Variants in BBS9 observed in about 807,000 individuals in gnomAD.
BBS9 encodes Bardet-Biedl syndrome 9.
A neutral mutation model predicts 117.7 loss-of-function variants in BBS9; 89 were observed. The ratio of observed to expected loss-of-function variants is 0.76; its 90% CI spans 0.64 to 0.90. The LOEUF is 0.90. Ranked by LOEUF, BBS9 falls within the 40% of genes least tolerant of loss-of-function variation. BBS9 has a pLI of 0.00. For missense variants in BBS9, 982 were observed against 1,042.2 expected, an observed-to-expected ratio of 0.94 and a Z score of 0.80; for synonymous variants, 379 against 370.9, an observed-to-expected ratio of 1.02 and a Z score of -0.25.
chr7:33,458,868 G>A (rs115643150), intron 19 of BBS9, among the ~76,000 whole-genome samples: 4,944 of 152,226 alleles, frequency 0.032, 148 homozygotes, highest in African/African-American at 0.078. Context: ...TCCAGAAACT[G>A]TAGCACCCTC....
At chr7:33,629,281 A>G (rs1373019722) in intron 21 of BBS9, among the ~76,000 whole-genome samples, 2 of 152,236 alleles carry the variant, frequency 1.3e-5, no homozygotes, top group Non-Finnish European at 2.9e-5. Flanking sequence ...TGTCATTTAC[A>G]TAATTGCTCT....
chr7:33,595,289 T>A (rs1216108558), intron 21 of BBS9, among the ~76,000 whole-genome samples: 1 of 152,184 alleles, frequency 6.6e-6, no homozygotes, highest in African/African-American at 2.4e-5. Context: ...TTTTGCAATC[T>A]ACCCATCTGA....
chr7:33,231,825 C>A (rs60192620), intron 5 of BBS9, among the ~76,000 whole-genome samples: 2 of 151,786 alleles, frequency 1.3e-5, no homozygotes, highest in East Asian at 3.9e-4. Context: ...CTACCCTTGA[C>A]GCTGTTGACA....
intron 5 of BBS9, among the ~76,000 whole-genome samples, chr7:33,221,654 A>T (rs1790260486): frequency 2.0e-5 from 3 of 152,180 alleles, no homozygotes; most frequent in Admixed American, 6.5e-5. Flanking sequence ...CAATTCATGT[A>T]ACTAAAGATA....
chr7:33,221,951 A>G (rs530852301), intron 5 of BBS9, among the ~76,000 whole-genome samples: 23 of 152,344 alleles, frequency 1.5e-4, no homozygotes, highest in Middle Eastern at 3.4e-3. Flanking sequence ...TTTTGGCTAA[A>G]GACCAAATAC....
intron 19 of BBS9, among the ~76,000 whole-genome samples, chr7:33,425,411 C>T (rs560454264): frequency 2.4e-4 from 37 of 152,232 alleles, no homozygotes; most frequent in African/African-American, 8.2e-4. Context: ...CATAGGTAAA[C>T]GTGTGCCACG....
intron 5 of BBS9, among the ~76,000 whole-genome samples, chr7:33,253,591 G>A (rs1396739980): frequency 6.6e-6 from 1 of 152,170 alleles, no homozygotes; most frequent in African/African-American, 2.4e-5. Context: ...CAGCCTGGGC[G>A]AGGGAGCGAG....
intron 19 of BBS9, among the ~76,000 whole-genome samples, chr7:33,418,505 A>G (rs1226447969): frequency 1.3e-5 from 2 of 152,136 alleles, no homozygotes; most frequent in East Asian, 3.9e-4. Flanking sequence ...GGGTCTTTTC[A>G]CAGTGGAAAC....
chr7:33,304,351 G>C (rs1403687337), intron 9 of BBS9, among the ~76,000 whole-genome samples: 2 of 142,424 alleles, frequency 1.4e-5, no homozygotes, highest in African/African-American at 2.6e-5. Flanking sequence ...CGGCCACCCC[G>C]TCTGGGAGGT....
At chr7:33,584,163 CTTATAT>C (rs1860490980) in intron 21 of BBS9, among the ~76,000 whole-genome samples, 1 of 151,864 alleles carries the variant, frequency 6.6e-6, no homozygotes, top group Non-Finnish European at 1.5e-5. Flanking sequence ...TATTTTTATA[CTTATAT>C]TTTACATGTA....
At chr7:33,328,741 T>C (rs1813348828) in intron 9 of BBS9, among the ~76,000 whole-genome samples, 1 of 152,204 alleles carries the variant, frequency 6.6e-6, no homozygotes, top group African/African-American at 2.4e-5. Context: ...TTTTTATTTG[T>C]TTTTAAAACT....
chr7:33,489,051 G>A (rs1282610524), intron 19 of BBS9, among the ~76,000 whole-genome samples: 2 of 143,820 alleles, frequency 1.4e-5, no homozygotes, highest in African/African-American at 5.2e-5. Context: ...GGAGTGCAAT[G>A]GCATGATCTT....
At chr7:33,217,344 T>C (rs1789283799) in intron 5 of BBS9, among the ~76,000 whole-genome samples, 1 of 152,200 alleles carries the variant, frequency 6.6e-6, no homozygotes, top group Non-Finnish European at 1.5e-5. Flanking sequence ...TGCTATAGCA[T>C]AATTTAAGAT....
chr7:33,611,674 A>G (rs1302059840), intron 21 of BBS9, among the ~76,000 whole-genome samples: 1 of 138,226 alleles, frequency 7.2e-6, no homozygotes, highest in Non-Finnish European at 1.5e-5. Context: ...ATTGATATTT[A>G]ATCCTTAATT....
chr7:33,143,561 G>A (rs941147569), intron 1 of BBS9, among the ~76,000 whole-genome samples: 34 of 151,690 alleles, frequency 2.2e-4, no homozygotes, highest in African/African-American at 7.7e-4. Context: ...TTGGCCATTT[G>A]TATATCTTTT....
At chr7:33,440,158 C>T (rs1247630633) in intron 19 of BBS9, among the ~76,000 whole-genome samples, 1 of 152,156 alleles carries the variant, frequency 6.6e-6, no homozygotes, top group African/African-American at 2.4e-5. Context: ...AATTCTAAGC[C>T]ATAGTTCCAT....
chr7:33,346,431 G>T, intron 12 of BBS9: 1 of 235,836 alleles, frequency 4.2e-6, no homozygotes, highest in Non-Finnish European at 8.8e-6. Flanking sequence ...ATAAAAATTT[G>T]GTATTATATT....
chr7:33,615,786 A>G (rs1268260841), intron 21 of BBS9, among the ~76,000 whole-genome samples: 4 of 152,078 alleles, frequency 2.6e-5, no homozygotes, highest in Non-Finnish European at 5.9e-5. Flanking sequence ...ACTGCAGAAA[A>G]TCAAAGATAA....
intron 1 of BBS9, among the ~76,000 whole-genome samples, chr7:33,140,345 T>C (rs1384884890): frequency 6.6e-6 from 1 of 152,132 alleles, no homozygotes; most frequent in Non-Finnish European, 1.5e-5. Flanking sequence ...CTTCTTAACC[T>C]CTGTACCACT....
Sources: allele counts gnomAD v4.1 joint callset (sites outside exome capture counted in the v4.1 genomes callset), GRCh38; gene constraint gnomAD v4.1.1; transcripts MANE v1.5; gene names NCBI Gene and HGNC (gene_info 2026-07-23, HGNC 2026-07-21).